Variants in PTPRD observed in about 807,000 individuals in gnomAD.
The protein encoded by PTPRD is protein tyrosine phosphatase receptor type D, also known as receptor-type tyrosine-protein phosphatase delta.
In PTPRD, 34 loss-of-function variants were observed where a neutral mutation model predicts 214.5. The ratio of observed to expected loss-of-function variants is 0.16; its 90% CI spans 0.12 to 0.21. PTPRD has a LOEUF of 0.21. PTPRD is among the 10% of genes least tolerant of loss of function. PTPRD has a pLI of 1.00. For synonymous variants in PTPRD, 1,128 were observed against 845.7 expected, an observed-to-expected ratio of 1.33 and a Z score of -5.79; for missense variants, 2,545 against 2,398.7, an observed-to-expected ratio of 1.06 and a Z score of -1.27.
At chr9:8,842,598 G>C (rs934356624) in intron 11 of PTPRD, among the ~76,000 whole-genome samples, 3 of 152,056 alleles carry the variant, frequency 2.0e-5, no homozygotes, top group Non-Finnish European at 2.9e-5. Flanking sequence ...TAAAGTGTTA[G>C]GCTCAGTACT....
At chr9:10,011,289 G>A (rs934789836) in intron 4 of PTPRD, among the ~76,000 whole-genome samples, 4 of 151,846 alleles carry the variant, frequency 2.6e-5, no homozygotes, top group African/African-American at 9.7e-5. Context: ...GTAAAATATT[G>A]GTGGGTTGGA....
At chr9:9,290,188 T>C (rs989044865) in intron 9 of PTPRD, among the ~76,000 whole-genome samples, 1 of 151,822 alleles carries the variant, frequency 6.6e-6, no homozygotes, top group Non-Finnish European at 1.5e-5. Context: ...GTGGTTTTGA[T>C]TTGCATTATC....
intron 9 of PTPRD, among the ~76,000 whole-genome samples, chr9:9,191,163 G>C (rs922627756): frequency 6.6e-6 from 1 of 152,098 alleles, no homozygotes; most frequent in Non-Finnish European, 1.5e-5. Context: ...CTGTCTCTTG[G>C]AGCCTTTGGT....
At chr9:8,889,037 T>G (rs1411629495) in intron 11 of PTPRD, among the ~76,000 whole-genome samples, 1 of 152,196 alleles carries the variant, frequency 6.6e-6, no homozygotes, top group East Asian at 1.9e-4. Context: ...AATAAGGATA[T>G]TCATTGCCCA....
At chr9:9,857,503 C>T (rs905229805) in intron 5 of PTPRD, among the ~76,000 whole-genome samples, 2 of 152,130 alleles carry the variant, frequency 1.3e-5, no homozygotes, top group African/African-American at 4.8e-5. Flanking sequence ...CTAATAGAGT[C>T]ACTCTCTGCA....
intron 11 of PTPRD, among the ~76,000 whole-genome samples, chr9:8,894,341 G>C (rs992372848): frequency 1.2e-5 from 1 of 86,432 alleles, no homozygotes; most frequent in Non-Finnish European, 2.8e-5. Context: ...GGCAACAAGA[G>C]TGAGACTCCA....
rs574263534 is a variant in PTPRD, at chr9:10,441,563, T to G, written c.-599-100546A>C. Among the ~76,000 whole-genome samples the G allele has an allele frequency of 1.1e-4, 17 of 151,766 alleles. 2 individuals are homozygous for G. The highest frequency in any genetic ancestry group is 4.1e-4 in the African/African-American group (17 of 41,484). The stretch of plus-strand genomic sequence containing the variant: ...TCCAATAAAGTATTTTTTTTTCCTT[T>G]CTGTTCTCATCATATCTCAACTTAT... On this transcript the variant is annotated intron_variant, in intron 2 of 45. Transcript: ENST00000381196.
chr9:8,750,034 G>A (rs535250566), intron 11 of PTPRD, among the ~76,000 whole-genome samples: 7 of 151,930 alleles, frequency 4.6e-5, no homozygotes, highest in African/African-American at 9.6e-5. Context: ...ACCCAGAGGC[G>A]GAGGTTGCAG....
intron 39 of PTPRD, among the ~76,000 whole-genome samples, chr9:8,347,633 C>T (rs189672229): frequency 3.3e-5 from 5 of 152,176 alleles, no homozygotes; most frequent in African/African-American, 9.6e-5. Flanking sequence ...TATGTTGAAA[C>T]GCTAACCCCC....
At chr9:9,690,068 C>G (rs1390900962) in intron 7 of PTPRD, among the ~76,000 whole-genome samples, 1 of 151,902 alleles carries the variant, frequency 6.6e-6, no homozygotes, top group East Asian at 1.9e-4. Flanking sequence ...ACCCTCCATA[C>G]TATTTTCCCT....
chr9:10,235,140 A>C (rs2099624835), intron 3 of PTPRD, among the ~76,000 whole-genome samples: 1 of 151,978 alleles, frequency 6.6e-6, no homozygotes, highest in Non-Finnish European at 1.5e-5. Context: ...TTTTGTTTTA[A>C]CAATTAACTT....
intron 8 of PTPRD, among the ~76,000 whole-genome samples, chr9:9,557,502 A>G (rs565399944): frequency 1.7e-4 from 26 of 152,286 alleles, no homozygotes; most frequent in Non-Finnish European, 5.9e-5. Flanking sequence ...AAAAATCTAC[A>G]TGCTATAGAG....
intron 4 of PTPRD, among the ~76,000 whole-genome samples, chr9:9,939,075 G>A (rs2090586677): frequency 6.6e-6 from 1 of 151,456 alleles, no homozygotes. Flanking sequence ...TAATGCAATT[G>A]CATTAGTTTT....
intron 11 of PTPRD, among the ~76,000 whole-genome samples, chr9:8,748,534 A>AAAAAG (rs1555264079): frequency 2.9e-5 from 4 of 136,798 alleles, no homozygotes; most frequent in Non-Finnish European, 6.1e-5. Flanking sequence ...AAAAAAAAAA[A>AAAAAG]AAAAAAGAAA....
chr9:8,490,125 A>G (rs911148049), intron 27 of PTPRD, among the ~76,000 whole-genome samples: 2 of 152,254 alleles, frequency 1.3e-5, no homozygotes, highest in East Asian at 1.9e-4. Context: ...GTAAGATGAA[A>G]GGGTCTTAAA....
chr9:9,532,284 A>G (rs1041571775), intron 8 of PTPRD, among the ~76,000 whole-genome samples: 9 of 152,102 alleles, frequency 5.9e-5, no homozygotes, highest in Non-Finnish European at 1.0e-4. Context: ...GAAACTGTAC[A>G]CTTAAAACAT....
chr9:9,810,756 T>G (rs1025494956), intron 5 of PTPRD, among the ~76,000 whole-genome samples: 1 of 151,986 alleles, frequency 6.6e-6, no homozygotes, highest in African/African-American at 2.4e-5. Context: ...ATGAATCAAG[T>G]AGTAATTTTG....
At chr9:9,975,869 C>T (rs1190041027) in intron 4 of PTPRD, among the ~76,000 whole-genome samples, 3 of 152,106 alleles carry the variant, frequency 2.0e-5, no homozygotes, top group African/African-American at 4.8e-5. Flanking sequence ...TGACCAAATC[C>T]GTAAGATTTC....
chr9:8,773,426 T>C (rs2095322784), intron 11 of PTPRD, among the ~76,000 whole-genome samples: 1 of 152,174 alleles, frequency 6.6e-6, no homozygotes, highest in Non-Finnish European at 1.5e-5. Flanking sequence ...GCTGAGGCAA[T>C]CATGGTACTC....
Sources: gnomAD v4.1 joint callset for allele counts (sites outside exome capture counted in the v4.1 genomes callset) on GRCh38, gnomAD v4.1.1 for gene constraint, MANE v1.5 for transcripts, NCBI Gene and HGNC (gene_info 2026-07-23, HGNC 2026-07-21) for gene names.